The following ELFN2 variants were observed in gnomAD, a reference collection of about 807,000 sequenced individuals.
ELFN2 encodes protein phosphatase 1 regulatory subunit 29.
Under a neutral mutation model 45.5 loss-of-function variants are expected in ELFN2, and 17 were observed. The observed-to-expected ratio is 0.37, with a 90% CI of 0.26 to 0.56. The LOEUF is 0.56. Ranked by LOEUF, ELFN2 falls within the 20% of genes least tolerant of loss-of-function variation. The pLI is 0.77. For synonymous variants in ELFN2, 550 were observed against 551.5 expected (o/e 1.00, Z 0.04); for missense variants, 922 against 1,183.2 (o/e 0.78, Z 3.24).
At position 37,395,130 on chromosome 22, in the gene ELFN2, TA is replaced by T. The variant is rs199838418; in HGVS notation, c.-462-19135del. On this transcript the variant is annotated intron_variant, in intron 2 of 2. Transcript: ENST00000402918. ...AAAAATAAATAAATAAATAAATAAA[TA>T]AATAAATAAATAAATAAATATTGTT... Among the ~76,000 whole-genome samples the T allele has an allele frequency of 9.1e-3, 1,364 of 150,526 alleles. 23 individuals carry two copies. The highest frequency in any genetic ancestry group is 0.031 in the African/African-American group (1,286 of 40,980).
chr22:37,359,541 C>T (rs920223202), intron 1 of ELFN2, among the ~76,000 whole-genome samples: 4 of 152,236 alleles, frequency 2.6e-5, no homozygotes, highest in Non-Finnish European at 5.9e-5. Context: ...CATTCTCGAG[C>T]GGCCCCTACC....
At chr22:37,426,032 C>T (rs1932845933) in intron 1 of ELFN2, among the ~76,000 whole-genome samples, 1 of 152,130 alleles carries the variant, frequency 6.6e-6, no homozygotes, top group Non-Finnish European at 1.5e-5. Flanking sequence ...AGCTTTCTGA[C>T]TCCGACAGCC....
At chr22:37,413,937 A>C (rs141017699) in intron 2 of ELFN2, among the ~76,000 whole-genome samples, 114 of 152,308 alleles carry the variant, frequency 7.5e-4, no homozygotes, top group Non-Finnish European at 1.2e-3. Context: ...AGAAGACAGC[A>C]CTGGACCTCG....
chr22:37,378,328 C>G (rs1931641163), intron 2 of ELFN2, among the ~76,000 whole-genome samples: 1 of 152,218 alleles, frequency 6.6e-6, no homozygotes, highest in East Asian at 1.9e-4. Context: ...GTGTGTGTGC[C>G]TACATGCAAC....
At chr22:37,424,814 G>T (rs543975168) in intron 1 of ELFN2, among the ~76,000 whole-genome samples, 1 of 152,150 alleles carries the variant, frequency 6.6e-6, no homozygotes, top group East Asian at 1.9e-4. Context: ...TCCAAGGAAA[G>T]AAAAGAAAGT....
intron 1 of ELFN2, among the ~76,000 whole-genome samples, chr22:37,347,219 T>C (rs1162070007): frequency 6.6e-6 from 1 of 152,132 alleles, no homozygotes; most frequent in Non-Finnish European, 1.5e-5. Flanking sequence ...CCTCAGGTGA[T>C]CCGCCCGCCT....
intron 2 of ELFN2, among the ~76,000 whole-genome samples, chr22:37,388,350 G>A (rs572159733): frequency 5.3e-5 from 8 of 152,024 alleles, no homozygotes; most frequent in East Asian, 1.9e-4. Flanking sequence ...CATCACAACC[G>A]GAATCATAAC....
rs758878765 is a variant in ELFN2 at position 37,375,218 on chromosome 22, T to A, written c.317A>T (p.Gln106Leu). 24 of 1,613,958 alleles carry A rather than the reference T, an allele frequency of 1.5e-5. No individual in the cohort carries two copies. In the Admixed American group the frequency reaches 2.7e-4, roughly 18 times the overall value. ...CTTGTTGTAGCCCAGCTGCAGGACCTGCAGGCTCGACTGGCCCAGGAAGGC... is the reference window on the plus strand; with the variant it reads ...CTTGTTGTAGCCCAGCTGCAGGACCAGCAGGCTCGACTGGCCCAGGAAGGC... ...DGAFLGQSSLQVLQLGYNKLS... is the reference protein window; with the variant it reads ...DGAFLGQSSLLVLQLGYNKLS... Residue 106 changes from glutamine (Q) to leucine (L), a missense_variant, in exon 3 of 3, where the codon CAG becomes CTG. Coordinates refer to ENST00000402918, the MANE Select transcript of ELFN2 (RefSeq NM_052906.5).
At chr22:37,384,502 C>T (rs1010194213) in intron 2 of ELFN2, among the ~76,000 whole-genome samples, 1 of 150,442 alleles carries the variant, frequency 6.6e-6, no homozygotes, top group Non-Finnish European at 1.5e-5. Flanking sequence ...CACCTGATCC[C>T]ACCTTCCCAA....
chr22:37,391,376 G>A (rs540351218), intron 2 of ELFN2, among the ~76,000 whole-genome samples: 5 of 152,216 alleles, frequency 3.3e-5, no homozygotes, highest in South Asian at 4.2e-4. Flanking sequence ...ACACGTCCAC[G>A]GCTGAAAATC....
chr22:37,395,763 G>A (rs565166120), intron 2 of ELFN2, among the ~76,000 whole-genome samples: 3 of 152,302 alleles, frequency 2.0e-5, no homozygotes, highest in East Asian at 1.9e-4. Flanking sequence ...GCTTGGCACC[G>A]TGGGCTGCAA....
Position 37,417,687 on chromosome 22 carries a change from A to C in ELFN2, c.-463+82T>G, listed in dbSNP as rs1932776391. 2 of 152,548 alleles carry C rather than the reference A, an allele frequency of 1.3e-5. No homozygotes were observed. The highest frequency in any genetic ancestry group is 4.8e-5 in the African/African-American group (2 of 41,484). The allele number at this position is 152,548 out of a possible 1,614,324, so 9.4% of individuals were successfully genotyped here. A position where few individuals can be genotyped will look rare whatever the true frequency, so the allele number is the denominator to read the frequency against. On this transcript the variant is annotated intron_variant, in intron 2 of 2. Coordinates refer to ENST00000402918, the MANE Select transcript of ELFN2 (RefSeq NM_052906.5). The surrounding 1 kb of genome is among the most constrained non-coding windows in gnomAD (Gnocchi z 4.5). Reference sequence around the variant, plus strand: ...ACACAGAAGCCTGAGGCTGGGCCACATCACAGGTTTGCAAGGCCGGGTCAT... The same window carrying C: ...ACACAGAAGCCTGAGGCTGGGCCACCTCACAGGTTTGCAAGGCCGGGTCAT...
intron 2 of ELFN2, among the ~76,000 whole-genome samples, chr22:37,397,901 G>A (rs529716522): frequency 4.0e-5 from 6 of 151,670 alleles, no homozygotes; most frequent in Non-Finnish European, 8.8e-5. Flanking sequence ...ACCCTTGCTC[G>A]GTTCCCCTCA....
intron 2 of ELFN2, among the ~76,000 whole-genome samples, chr22:37,384,067 C>T (rs964438126): frequency 7.2e-5 from 11 of 152,148 alleles, no homozygotes; most frequent in African/African-American, 4.8e-5. Flanking sequence ...ATGGCTCACC[C>T]GGTCCCCGTG....
intron 1 of ELFN2, among the ~76,000 whole-genome samples, chr22:37,423,184 G>C (rs1031003324): frequency 1.3e-5 from 2 of 152,198 alleles, no homozygotes; most frequent in African/African-American, 2.4e-5. Flanking sequence ...GGGAGGGCCA[G>C]GGAGCAAAGG....
rs1009364509 is a variant in ELFN2 at position 37,371,355 on chromosome 22, G to A, written c.*1717C>T. 6.6e-6 allele frequency: 1 copy of A among 152,280 alleles called. No homozygotes were observed. The highest frequency in any genetic ancestry group is 2.4e-5 in the African/African-American group (1 of 41,458). The allele number at this position is 152,280 out of a possible 1,614,324, so 9.4% of individuals were successfully genotyped here. A position where few individuals can be genotyped will look rare whatever the true frequency, so the allele number is the denominator to read the frequency against. On this transcript the variant is annotated 3_prime_UTR_variant, in exon 3 of 3. Transcript: ENST00000402918. The surrounding 1 kb of genome is among the most constrained non-coding windows in gnomAD (Gnocchi z 6.4). ...TGTGGGCCACAGGCCCTAGACTGGGGGTCTCTGGCAGGGGCGTGGGGAGAG... is the reference window on the plus strand; with the variant it reads ...TGTGGGCCACAGGCCCTAGACTGGGAGTCTCTGGCAGGGGCGTGGGGAGAG...
intron 2 of ELFN2, among the ~76,000 whole-genome samples, chr22:37,388,382 G>A (rs1341099203): frequency 6.6e-6 from 1 of 152,144 alleles, no homozygotes; most frequent in Admixed American, 6.5e-5. Flanking sequence ...CCTCTGGACT[G>A]AGTTCCCCGA....
intron 1 of ELFN2, among the ~76,000 whole-genome samples, chr22:37,345,175 C>T (rs1475583419): frequency 2.0e-5 from 3 of 152,234 alleles, no homozygotes; most frequent in African/African-American, 7.2e-5. Context: ...ACACACTGGC[C>T]TCCTCCTCGC....
chr22:37,383,167 C>T (rs1446269686), intron 2 of ELFN2, among the ~76,000 whole-genome samples: 1 of 152,156 alleles, frequency 6.6e-6, no homozygotes, highest in East Asian at 1.9e-4. Context: ...AGCCAAGCAC[C>T]AGTGCCGATG....
Sources: gnomAD v4.1 joint callset for allele counts (sites outside exome capture counted in the v4.1 genomes callset) on GRCh38, gnomAD v4.1.1 for gene constraint, Gnocchi (gnomAD v3.1) non-coding constraint, MANE v1.5 for transcripts, NCBI Gene and HGNC (gene_info 2026-07-23, HGNC 2026-07-21) for gene names.